Variants in NOX5 observed in about 807,000 individuals in gnomAD.
NOX5 encodes NADPH oxidase 5.
NOX5 carries 76 observed loss-of-function variants against 85.7 expected under a neutral mutation model. That is an observed-to-expected ratio of 0.89 (90% confidence interval 0.74 to 1.07). The LOEUF is 1.07. NOX5 is among the 50% of genes least tolerant of loss of function. The pLI, the probability that NOX5 is intolerant of heterozygous loss-of-function variation, is 0.00. For synonymous variants in NOX5, 405 were observed against 401.4 expected, an observed-to-expected ratio of 1.01 and a Z score of -0.11; for missense variants, 973 against 999.5, an observed-to-expected ratio of 0.97 and a Z score of 0.36.
chr15:69,016,820 A>G (rs1021754789), intron 1 of NOX5, among the ~76,000 whole-genome samples: 1 of 152,116 alleles, frequency 6.6e-6, no homozygotes, highest in Non-Finnish European at 1.5e-5. Context: ...ACATACATAC[A>G]TACACACACT....
intron 10 of NOX5, among the ~76,000 whole-genome samples, chr15:69,044,143 C>T (rs942460303): frequency 1.1e-4 from 16 of 151,650 alleles, no homozygotes; most frequent in Admixed American, 9.8e-4. Context: ...GAGATTACAC[C>T]ACTGTACTCC....
intron 1 of NOX5, among the ~76,000 whole-genome samples, chr15:69,015,569 G>T (rs1248806254): frequency 6.6e-6 from 1 of 152,182 alleles, no homozygotes; most frequent in South Asian, 2.1e-4. Context: ...TCACCCATGC[G>T]TGGGTCACAA....
chr15:69,042,763 G>A lies in NOX5; in HGVS notation c.1605G>A (p.Leu535=). ...SDPLGRGSKR[L]SRSVTMRKSQ... The stretch of plus-strand genomic sequence containing the variant: ...CACTGGGCCGTGGTTCTAAGAGGCT[G>A]TCGAGGAGTGTGACAATGAGAAAGA... Residue 535 remains leucine, a synonymous_variant, in exon 10 of 16, where the codon CTG becomes CTA. Transcript: ENST00000388866. The A allele has an allele frequency of 6.2e-7, 1 of 1,614,200 alleles. No individual in the cohort carries two copies. Among genetic ancestry groups the A allele is most frequent in the Non-Finnish European group, 8.5e-7 (1 of 1,180,028 alleles).
chr15:69,031,576 C>G lies in NOX5; in HGVS notation c.384C>G (p.His128Gln), dbSNP rs1413162320. Residue 128 changes from histidine to glutamine, a missense_variant, in exon 4 of 16, where the codon CAC becomes CAG. Coordinates refer to ENST00000388866, the MANE Select transcript of NOX5 (RefSeq NM_024505.4). Reference protein sequence around the residue: ...GTEWGAGAGPHWASSPLGTGS... With the variant: ...GTEWGAGAGPQWASSPLGTGS... ...AGTGGGGTGCTGGGGCAGGCCCGCA[C>G]TGGGCTTCATCCCCACTCGGGACAG... 1 of 1,612,886 alleles carries G rather than the reference C, an allele frequency of 6.2e-7. No homozygotes were observed.
chr15:69,045,696 C>T (rs981020178), intron 10 of NOX5, among the ~76,000 whole-genome samples: 11 of 147,174 alleles, frequency 7.5e-5, no homozygotes, highest in African/African-American at 2.8e-4. Flanking sequence ...TCTTTTCTTT[C>T]TTTCCTTTCT....
At chr15:69,047,303 A>T (rs1273870991) in intron 11 of NOX5, 110 bp from the exon 12 acceptor site, 1 of 1,381,868 alleles carries the variant, frequency 7.2e-7, no homozygotes, top group Middle Eastern at 1.9e-4. Flanking sequence ...AGCCCAGGAG[A>T]TGTCTTTCTA....
intron 14 of NOX5, among the ~76,000 whole-genome samples, chr15:69,051,734 T>C (rs2140280777): frequency 6.6e-6 from 1 of 152,194 alleles, no homozygotes; most frequent in Middle Eastern, 3.4e-3. Context: ...GATACAGATA[T>C]ATATTTATGG....
intron 10 of NOX5, among the ~76,000 whole-genome samples, chr15:69,045,568 C>CTTTCTTTCTTTCTTTCTTTA (rs1555437242): frequency 2.1e-5 from 1 of 48,374 alleles, no homozygotes; most frequent in Non-Finnish European, 4.0e-5. Context: ...TTCTTTCTTT[C>CTTTCTTTCTTTCTTTCTTTA]TTCCCTTTCT....
intron 1 of NOX5, among the ~76,000 whole-genome samples, chr15:69,018,571 G>A (rs536244114): frequency 5.8e-5 from 8 of 139,090 alleles, no homozygotes. Flanking sequence ...GTTACTGGAC[G>A]CCCAAAGCTG....
At chr15:69,023,711 T>TGTAGTACTAGATAGATCATGA (rs2050322654) in intron 1 of NOX5, 1 of 173,810 alleles carries the variant, frequency 5.8e-6, no homozygotes, top group African/African-American at 2.4e-5. Flanking sequence ...TAATGCTGTA[T>TGTAGTACTAGATAGATCATGA]AATAATCCTA....
rs139641824 is a variant in NOX5, at chr15:69,025,391, C to T, written c.51-1137C>T. On this transcript the variant is annotated intron_variant, in intron 1 of 15. Transcript: ENST00000388866. ...ACAGTGAAAACACCAACAAAAAGCA[C>T]AAAAATGTGAAAAATGTAGTACTAG... 4.4e-3 allele frequency among the ~76,000 whole-genome samples: 663 copies of T among 152,218 alleles called. 4 individuals carry two copies. Among genetic ancestry groups the T allele is most frequent in the Middle Eastern group, 0.02 (6 of 294 alleles).
chr15:69,056,595 G>C lies in NOX5; in HGVS notation c.2197G>C (p.Gly733Arg). ...VFQKVAAEKK[G>R]KVQVFFCGSP... ...CCAGAAAGTGGCTGCTGAGAAGAAG[G>C]GCAAGGTGCAGGTCTTCTTCTGTGG... The change falls in exon 16 of 16, where the codon GGC (glycine) becomes CGC (arginine). Residue 733 changes from glycine (G) to arginine (R), a missense_variant. Coordinates refer to ENST00000388866, the MANE Select transcript of NOX5 (RefSeq NM_024505.4). 6.2e-7 allele frequency: 1 copy of C among 1,613,566 alleles called. No individual in the cohort carries two copies. Among genetic ancestry groups the C allele is most frequent in the East Asian group, 2.2e-5 (1 of 44,874 alleles).
At chr15:69,047,975 A>C in intron 13 of NOX5, 64 bp downstream of exon 13, 1 of 1,439,066 alleles carries the variant, frequency 6.9e-7, no homozygotes. Flanking sequence ...CTAAAATAGG[A>C]GCCCATCCTC....
chr15:69,061,753 C>T lies in NOX5; in HGVS notation c.*5057C>T, dbSNP rs1323489584. ...CCCCAAAAGGGCTGCCCTAATACTA[C>T]TCAGGGACAAATGGGCCCTCTTAAA... is the stretch of plus-strand genomic sequence containing the variant. On this transcript the variant is annotated 3_prime_UTR_variant, in exon 16 of 16. Transcript: ENST00000388866. 1 of 152,208 alleles carries T rather than the reference C, an allele frequency of 6.6e-6. No homozygotes were observed. Among genetic ancestry groups the T allele is most frequent in the Non-Finnish European group, 1.5e-5 (1 of 68,048 alleles). 9.4% of individuals were successfully genotyped at this position (152,208 alleles called of 1,614,324 possible). A position where few individuals can be genotyped will look rare whatever the true frequency, so the allele number is the denominator to read the frequency against.
chr15:69,016,738 CT>C (rs2140242340), intron 1 of NOX5, among the ~76,000 whole-genome samples: 1 of 152,218 alleles, frequency 6.6e-6, no homozygotes, highest in African/African-American at 2.4e-5. Flanking sequence ...AATGAGGAAA[CT>C]GAAGCATGCA....
chr15:69,046,809 C>A lies in NOX5; in HGVS notation c.1648-13C>A. Reference sequence around the variant, plus strand: ...ATTCCAAGACCCATAACTCTCTGCTCTACTCCCTGCAGGGCTCTGAGATAC... The same window carrying A: ...ATTCCAAGACCCATAACTCTCTGCTATACTCCCTGCAGGGCTCTGAGATAC... On this transcript the variant is annotated splice_polypyrimidine_tract_variant and intron_variant, in intron 10 of 15. Transcript: ENST00000388866. 1 of 1,613,428 alleles carries A rather than the reference C, an allele frequency of 6.2e-7. No homozygotes were observed. The highest frequency in any genetic ancestry group is 1.1e-5 in the South Asian group (1 of 91,010).
At chr15:69,022,497 T>C in intron 1 of NOX5, 1 of 172,740 alleles carries the variant, frequency 5.8e-6, no homozygotes. Context: ...ATGTCTTAGT[T>C]TCAAGGAAAG....
intron 5 of NOX5, 71 bp downstream of exon 5, chr15:69,033,348 G>A: frequency 6.7e-7 from 1 of 1,493,070 alleles, no homozygotes; most frequent in East Asian, 2.5e-5. Context: ...CCTAGACAGA[G>A]CGACCCACAG....
rs762682924 is a variant in NOX5 at position 69,047,381 on chromosome 15, A to G, written c.1693-32A>G. 1.6e-5 allele frequency: 25 copies of G among 1,535,880 alleles called. No homozygotes were observed. The East Asian group carries it at 4.9e-4, about 30-fold the overall frequency. Reference sequence around the variant, plus strand: ...GCAGGGGAGACCAGCGTCACCCCCCATCTCTCTTCTCTGATGCCCTCTTGT... The same window carrying G: ...GCAGGGGAGACCAGCGTCACCCCCCGTCTCTCTTCTCTGATGCCCTCTTGT... On this transcript the variant is annotated intron_variant, in intron 11 of 15. Transcript: ENST00000388866.
Sources: gnomAD v4.1 joint callset for allele counts (sites outside exome capture counted in the v4.1 genomes callset) on GRCh38, gnomAD v4.1.1 for gene constraint, MANE v1.5 for transcripts, NCBI Gene and HGNC (gene_info 2026-07-23, HGNC 2026-07-21) for gene names.